The following GNAI1 variants were observed in gnomAD, a reference collection of about 807,000 sequenced individuals.
GNAI1 encodes the protein guanine nucleotide-binding protein G(i) subunit alpha-1.
Under a neutral mutation model 38.9 loss-of-function variants are expected in GNAI1, and 11 were observed. That is an observed-to-expected ratio of 0.28 (90% CI 0.18 to 0.47). GNAI1 has a LOEUF of 0.47. Among genes scored for constraint, GNAI1 ranks in the 20% least tolerant of loss-of-function variants. The pLI is 0.99. For synonymous variants in GNAI1, 166 were observed against 145.1 expected, an observed-to-expected ratio of 1.14 and a Z score of -1.04; for missense variants, 317 against 436.9, an observed-to-expected ratio of 0.73 and a Z score of 2.45.
chr7:80,140,914 C>T (rs1413320802), intron 1 of GNAI1, among the ~76,000 whole-genome samples: 2 of 152,140 alleles, frequency 1.3e-5, no homozygotes, highest in African/African-American at 2.4e-5. Context: ...TTTTTCAGCT[C>T]TACAGAGGCT....
chr7:80,184,858 C>T (rs1788362392), intron 1 of GNAI1, among the ~76,000 whole-genome samples: 1 of 152,164 alleles, frequency 6.6e-6, no homozygotes, highest in African/African-American at 2.4e-5. Flanking sequence ...CACATATTCT[C>T]AGCCCTCTGG....
At chr7:80,142,836 ATCATGATTCTTGG>A (rs1221281784) in intron 1 of GNAI1, among the ~76,000 whole-genome samples, 4 of 78,556 alleles carry the variant, frequency 5.1e-5, no homozygotes, top group Admixed American at 3.2e-4. Flanking sequence ...CATGATCAAA[ATCATGATTCTTGG>A]TAAATAAGTG....
intron 1 of GNAI1, among the ~76,000 whole-genome samples, chr7:80,188,657 C>T (rs75113104): frequency 6.6e-6 from 1 of 152,082 alleles, no homozygotes; most frequent in Admixed American, 6.5e-5. Context: ...ACCTGTTTGT[C>T]CCCTGTGGCT....
At chr7:80,181,757 T>C (rs1788297741) in intron 1 of GNAI1, among the ~76,000 whole-genome samples, 1 of 152,158 alleles carries the variant, frequency 6.6e-6, no homozygotes, top group South Asian at 2.1e-4. Context: ...TGGGGTTGCC[T>C]CCTTTGATAC....
chr7:80,215,914 G>A (rs985826260), intron 7 of GNAI1, among the ~76,000 whole-genome samples: 1 of 152,116 alleles, frequency 6.6e-6, no homozygotes, highest in East Asian at 1.9e-4. Context: ...GTGGCAGTTT[G>A]CATGTTAGGT....
At chr7:80,175,143 T>C (rs1263536234) in intron 1 of GNAI1, among the ~76,000 whole-genome samples, 2 of 152,188 alleles carry the variant, frequency 1.3e-5, no homozygotes, top group African/African-American at 2.4e-5. Flanking sequence ...CACCTTGGGA[T>C]TGGCAGAGTT....
chr7:80,218,900 A>G lies in GNAI1; in HGVS notation c.*1407A>G, dbSNP rs1789022270. 6.6e-6 allele frequency: 1 copy of G among 152,146 alleles called. No homozygotes were observed. The highest frequency in any genetic ancestry group is 2.1e-4 in the South Asian group (1 of 4,820). The allele number at this position is 152,146 out of a possible 1,614,324, so 9.4% of individuals were successfully genotyped here. On this transcript the variant is annotated 3_prime_UTR_variant, in exon 8 of 8. Transcript: ENST00000649796. ...GATGTGTCATCTCTGACCTTGTTTC[A>G]GCAAAGTAAACAGCACTCCCCACCC...
rs1280016261 is a variant in GNAI1, at chr7:80,224,621, T to G, written c.*7128T>G. Among the ~76,000 whole-genome samples the G allele has an allele frequency of 6.6e-6, 1 of 152,182 alleles. No individual in the cohort carries two copies. Among genetic ancestry groups the G allele is most frequent in the Non-Finnish European group, 1.5e-5 (1 of 68,036 alleles). The stretch of plus-strand genomic sequence containing the variant: ...AGTATGCATGATGCACATTAGCATG[T>G]CAATGGCTGTGAAAAGCCAGTGCAG... On this transcript the variant is annotated 3_prime_UTR_variant, in exon 8 of 8. Coordinates refer to ENST00000649796, the MANE Select transcript of GNAI1 (RefSeq NM_002069.6).
intron 1 of GNAI1, among the ~76,000 whole-genome samples, chr7:80,145,124 T>G (rs1370368482): frequency 6.6e-6 from 1 of 152,234 alleles, no homozygotes; most frequent in African/African-American, 2.4e-5. Context: ...AAGTCATGCC[T>G]AGCTTTAAAA....
chr7:80,179,980 T>C (rs750740326), intron 1 of GNAI1, among the ~76,000 whole-genome samples: 4 of 152,210 alleles, frequency 2.6e-5, no homozygotes, highest in African/African-American at 9.6e-5. Flanking sequence ...TTCTTGTCTC[T>C]GCAAATATCC....
At chr7:80,148,061 G>A (rs1469886173) in intron 1 of GNAI1, among the ~76,000 whole-genome samples, 1 of 152,094 alleles carries the variant, frequency 6.6e-6, no homozygotes, top group Non-Finnish European at 1.5e-5. Context: ...TAAAAACTGG[G>A]CTGTGGATTC....
rs765765135 is a variant in GNAI1 at position 80,223,359 on chromosome 7, G to C, written c.*5866G>C. 6.6e-6 allele frequency among the ~76,000 whole-genome samples: 1 copy of C among 152,112 alleles called. No homozygotes were observed. Among genetic ancestry groups the C allele is most frequent in the African/African-American group, 2.4e-5 (1 of 41,418 alleles). Reference sequence around the variant, plus strand: ...TTTTGCAGTTATTTTTTACTAAGTTGACAAATGTTTGTACAATTTCAGTGT... The same window carrying C: ...TTTTGCAGTTATTTTTTACTAAGTTCACAAATGTTTGTACAATTTCAGTGT... On this transcript the variant is annotated 3_prime_UTR_variant, in exon 8 of 8. Coordinates refer to ENST00000649796, the MANE Select transcript of GNAI1 (RefSeq NM_002069.6).
intron 7 of GNAI1, among the ~76,000 whole-genome samples, chr7:80,215,535 A>T (rs1464877721): frequency 6.6e-6 from 1 of 152,230 alleles, no homozygotes; most frequent in African/African-American, 2.4e-5. Context: ...TAAAAATCTC[A>T]TAATCTATGC....
At chr7:80,146,572 T>C (rs1464441772) in intron 1 of GNAI1, among the ~76,000 whole-genome samples, 2 of 152,140 alleles carry the variant, frequency 1.3e-5, no homozygotes, top group African/African-American at 2.4e-5. Context: ...AACTTTACTA[T>C]GCATAGAAGT....
Position 80,222,089 on chromosome 7 carries a change from T to G in GNAI1, c.*4596T>G, listed in dbSNP as rs1474003566. Among the ~76,000 whole-genome samples the G allele has an allele frequency of 6.6e-6, 1 of 152,132 alleles. No homozygotes were observed. Among genetic ancestry groups the G allele is most frequent in the African/African-American group, 2.4e-5 (1 of 41,442 alleles). The stretch of plus-strand genomic sequence containing the variant: ...TTGCTTTGGTGTCTGTTGTGATTTC[T>G]CTTATTTAGTTGGATTTTGTAGTTA... On this transcript the variant is annotated 3_prime_UTR_variant, in exon 8 of 8. Transcript: ENST00000649796.
chr7:80,138,185 G>A (rs1177585447), intron 1 of GNAI1, among the ~76,000 whole-genome samples: 1 of 152,110 alleles, frequency 6.6e-6, no homozygotes, highest in East Asian at 1.9e-4. Flanking sequence ...TTTTAAGACA[G>A]TCTGTTAAAT....
chr7:80,176,059 G>A (rs1305332521), intron 1 of GNAI1, among the ~76,000 whole-genome samples: 3 of 152,196 alleles, frequency 2.0e-5, no homozygotes, highest in Non-Finnish European at 4.4e-5. Flanking sequence ...TAGTCCTCTT[G>A]CACCAAACAT....
chr7:80,162,377 A>G (rs990819074), intron 1 of GNAI1, among the ~76,000 whole-genome samples: 6 of 152,194 alleles, frequency 3.9e-5, no homozygotes, highest in Non-Finnish European at 7.3e-5. Flanking sequence ...ATGAAATTCT[A>G]CAGCACCTCA....
chr7:80,223,975 A>T lies in GNAI1; in HGVS notation c.*6482A>T, dbSNP rs1277558398. 1.3e-5 allele frequency among the ~76,000 whole-genome samples: 2 copies of T among 152,154 alleles called. No homozygotes were observed. Among genetic ancestry groups the T allele is most frequent in the Admixed American group, 6.5e-5 (1 of 15,274 alleles). ...GCTTCAGTATGAAGCTGGCATAAGGAAAGCCAGTAAAAAGTGCCCTTTCTT... is the reference window on the plus strand; with the variant it reads ...GCTTCAGTATGAAGCTGGCATAAGGTAAGCCAGTAAAAAGTGCCCTTTCTT... On this transcript the variant is annotated 3_prime_UTR_variant, in exon 8 of 8. Coordinates refer to ENST00000649796, the MANE Select transcript of GNAI1 (RefSeq NM_002069.6).
Sources: allele counts gnomAD v4.1 joint callset (sites outside exome capture counted in the v4.1 genomes callset), GRCh38; gene constraint gnomAD v4.1.1; transcripts MANE v1.5; gene names NCBI Gene and HGNC (gene_info 2026-07-23, HGNC 2026-07-21).